PLIN2: variants seen among roughly 807,000 people sequenced by gnomAD.
The protein encoded by PLIN2 is perilipin 2.
PLIN2 carries 33 observed loss-of-function variants against 30.6 expected under a neutral mutation model. The observed-to-expected ratio is 1.08, with a 90% confidence interval of 0.82 to 1.44. PLIN2 has a LOEUF of 1.44. PLIN2 is among the 40% of genes most tolerant of loss of function. PLIN2 has a pLI of 0.00. For synonymous variants in PLIN2, 205 were observed against 201.1 expected, an observed-to-expected ratio of 1.02 and a Z score of -0.16; for missense variants, 610 against 531.8, an observed-to-expected ratio of 1.15 and a Z score of -1.45.
downstream of PLIN2, among the ~76,000 whole-genome samples, chr9:19,115,026 G>T (rs1306463173): frequency 2.0e-5 from 3 of 152,164 alleles, no homozygotes; most frequent in Non-Finnish European, 4.4e-5. Flanking sequence ...CGCTTTAACT[G>T]GTTCCCTGGC....
chr9:19,126,982 C>T (rs529761867), intron 1 of PLIN2, among the ~76,000 whole-genome samples: 79 of 152,126 alleles, frequency 5.2e-4, no homozygotes, highest in African/African-American at 1.8e-3. Flanking sequence ...GCGGAGGTTG[C>T]AGTGAGCCTA....
In PLIN2 at chr9:19,116,343, G is replaced by C; in HGVS notation, c.1219C>G (p.Pro407Ala). 1 of 1,614,126 alleles carries C rather than the reference G, an allele frequency of 6.2e-7. No homozygotes were observed. The highest frequency in any genetic ancestry group is 1.3e-5 in the African/African-American group (1 of 75,048). The change falls in exon 8 of 8, where the codon CCT becomes GCT. Residue 407 changes from proline (P) to alanine (A), a missense_variant. By Grantham distance (27) the Pro-to-Ala change is conservative. Transcript: ENST00000276914. ...GCATTCTGAGACTCAGTCAGCTGAG[G>C]ATAAAAGGGACCTACCAGCCAGTTG... ...PLNWLVGPFY[P>A]QLTESQNAQD...
chr9:19,118,563 G>A, intron 6 of PLIN2, 108 bp from the exon 7 acceptor site: 1 of 954,388 alleles, frequency 1.0e-6, no homozygotes, highest in South Asian at 1.7e-5. Flanking sequence ...AGAATTTCCT[G>A]GAGTTGAATA....
chr9:19,116,909 C>T (rs1818237387), intron 7 of PLIN2, among the ~76,000 whole-genome samples: 1 of 152,072 alleles, frequency 6.6e-6, no homozygotes, highest in South Asian at 2.1e-4. Flanking sequence ...CTCCAAAGTT[C>T]ATCATCTTAA....
At chr9:19,119,220 G>A (rs1279804762) in intron 6 of PLIN2, among the ~76,000 whole-genome samples, 1 of 152,216 alleles carries the variant, frequency 6.6e-6, no homozygotes, top group East Asian at 1.9e-4. Flanking sequence ...CCTGTTAGTG[G>A]ATGTGCATTG....
chr9:19,114,467 C>A (rs369202912), downstream of PLIN2, among the ~76,000 whole-genome samples: 47 of 151,872 alleles, frequency 3.1e-4, 1 homozygote, highest in East Asian at 8.8e-3. Flanking sequence ...TGCAGTGGCG[C>A]AATCTTGGCT....
At chr9:19,114,603 G>A (rs768705411), downstream of PLIN2, among the ~76,000 whole-genome samples, 4 of 151,356 alleles carry the variant, frequency 2.6e-5, no homozygotes, top group Non-Finnish European at 5.9e-5. Flanking sequence ...AGGGTTTCAC[G>A]TTGTTGGTCA....
downstream of PLIN2, among the ~76,000 whole-genome samples, chr9:19,114,306 A>T (rs982282237): frequency 2.6e-5 from 4 of 152,182 alleles, no homozygotes; most frequent in Non-Finnish European, 4.4e-5. Context: ...GGGGTGAACC[A>T]GGATAGAAAG....
Position 19,126,104 on chromosome 9 carries a change from C to T in PLIN2, c.226+10G>A. 1 of 1,611,344 alleles carries T rather than the reference C, an allele frequency of 6.2e-7. No homozygotes were observed. Among genetic ancestry groups the T allele is most frequent in the Non-Finnish European group, 8.5e-7 (1 of 1,177,964 alleles). ...TCCCTTGACTTGCATCTTGAAAAATCAGAACTCACTTTGCGGCTCTAGCTT... is the reference window on the plus strand; with the variant it reads ...TCCCTTGACTTGCATCTTGAAAAATTAGAACTCACTTTGCGGCTCTAGCTT... On this transcript the variant is annotated intron_variant, in intron 3 of 7. Coordinates refer to ENST00000276914, the MANE Select transcript of PLIN2 (RefSeq NM_001122.4).
At position 19,127,084 on chromosome 9, in the gene PLIN2, T is replaced by A. The variant is rs1042170724; in HGVS notation, c.-23+335A>T. The stretch of plus-strand genomic sequence containing the variant: ...CTAACGCGTTTCCCTTTCGATAATG[T>A]CCCTTCGACAAATATTGTTTTCCCA... On this transcript the variant is annotated intron_variant, in intron 1 of 7. Transcript: ENST00000276914. This position sits in a 1 kb window ranked among gnomAD's most constrained non-coding sequence, Gnocchi z 4.3. Among the ~76,000 whole-genome samples, 1 of 152,026 alleles carries A rather than the reference T, an allele frequency of 6.6e-6. No individual in the cohort carries two copies. Among genetic ancestry groups the A allele is most frequent in the African/African-American group, 2.4e-5 (1 of 41,384 alleles).
downstream of PLIN2, among the ~76,000 whole-genome samples, chr9:19,115,433 G>A (rs1021554041): frequency 2.0e-5 from 3 of 151,030 alleles, no homozygotes; most frequent in Admixed American, 6.6e-5. Context: ...TCAGCCTCCC[G>A]AGTAGCTGGG....
At chr9:19,120,817 T>C in intron 5 of PLIN2, 63 bp downstream of exon 5, 1 of 1,291,978 alleles carries the variant, frequency 7.7e-7, no homozygotes, top group Non-Finnish European at 1.1e-6. Context: ...AGAGTATATG[T>C]CAATGAAGCT....
chr9:19,126,124 T>C lies in PLIN2; in HGVS notation c.216A>G (p.Leu72=), dbSNP rs774720968. 6.2e-7 allele frequency: 1 copy of C among 1,613,776 alleles called. No homozygotes were observed. The highest frequency in any genetic ancestry group is 1.1e-5 in the South Asian group (1 of 91,056). Residue 72 remains leucine, a synonymous_variant, in exon 3 of 8, where the codon CTA becomes CTG. Transcript: ENST00000276914. ...MTSALPIIQK[L]EPQIAVANTY... is the part of the protein sequence containing the mutation. ...AAAATCAGAACTCACTTTGCGGCTC[T>C]AGCTTCTGGATGATGGGCAGAGCAC...
chr9:19,115,016 C>T (rs947095170), downstream of PLIN2, among the ~76,000 whole-genome samples: 13 of 152,180 alleles, frequency 8.5e-5, no homozygotes, highest in African/African-American at 7.2e-5. Context: ...TTAGGACTCA[C>T]GCTTTAACTG....
chr9:19,119,948 G>T (rs1017767159), intron 5 of PLIN2, 117 bp from the exon 6 acceptor site: 3 of 659,186 alleles, frequency 4.6e-6, no homozygotes, highest in Admixed American at 2.8e-5. Context: ...TAGCAATCAT[G>T]CAGTCATTTT....
downstream of PLIN2, among the ~76,000 whole-genome samples, chr9:19,110,977 TTCTG>T (rs755768341): frequency 2.2e-4 from 33 of 152,308 alleles, no homozygotes; most frequent in Non-Finnish European, 2.6e-4. Context: ...TCTCAGGCAA[TTCTG>T]TCTACCTCCC....
At position 19,123,558 on chromosome 9, in the gene PLIN2, A is replaced by C. The variant is rs749044242; in HGVS notation, c.309+7T>G. ...GTCAAGTCTCAGCACTTTTGTCCCA[A>C]GCTCACCTGAGTTGATGGCTGATTC... On this transcript the variant is annotated splice_region_variant and intron_variant, in intron 4 of 7. Coordinates refer to ENST00000276914, the MANE Select transcript of PLIN2 (RefSeq NM_001122.4). The C allele has an allele frequency of 1.2e-6, 2 of 1,614,094 alleles. No individual in the cohort carries two copies. The highest frequency in any genetic ancestry group is 1.7e-6 in the Non-Finnish European group (2 of 1,180,040).
rs573121392 is a variant in PLIN2, at chr9:19,109,319, C to G, written n.418-572G>C. On this transcript the variant is annotated intron_variant and non_coding_transcript_variant, in intron 2 of 2. Transcript: ENST00000464326. ...CCTGTAATCCCAGCCCTTTGGGAGG[C>G]CGAGATGGGAGGATCACGAGGTTGG... Among the ~76,000 whole-genome samples, 354 of 149,466 alleles carry G rather than the reference C, an allele frequency of 2.4e-3. No homozygotes were observed. The South Asian group carries it at 0.024, about 10-fold the overall frequency.
At chr9:19,114,258 A>G (rs958227685), downstream of PLIN2, among the ~76,000 whole-genome samples, 3 of 152,076 alleles carry the variant, frequency 2.0e-5, no homozygotes, top group African/African-American at 4.8e-5. Context: ...AGGAACATGT[A>G]AAGTTATGTG....
Sources: allele counts gnomAD v4.1 joint callset (sites outside exome capture counted in the v4.1 genomes callset), GRCh38; gene constraint gnomAD v4.1.1; non-coding constraint Gnocchi (gnomAD v3.1); transcripts MANE v1.5; gene names NCBI Gene and HGNC (gene_info 2026-07-23, HGNC 2026-07-21).